The following CCDC9 variants were observed in gnomAD, a reference collection of about 807,000 sequenced individuals.
CCDC9 encodes coiled-coil domain-containing protein 9.
CCDC9 carries 52 observed loss-of-function variants against 65.6 expected under a neutral mutation model. The ratio of observed to expected loss-of-function variants is 0.79; its 90% CI spans 0.63 to 1.00. The LOEUF is 1.00. Ranked by LOEUF, CCDC9 falls within the 50% of genes least tolerant of loss-of-function variation. CCDC9 has a pLI of 0.00. For synonymous variants in CCDC9, 332 were observed against 280.3 expected (o/e 1.18, Z -1.84); for missense variants, 834 against 757.2 (o/e 1.10, Z -1.19).
downstream of CCDC9, chr19:47,275,335 G>A (rs1418041671): frequency 6.5e-7 from 1 of 1,544,730 alleles, no homozygotes; most frequent in African/African-American, 1.4e-5. Context: ...GCGGAGGGGC[G>A]AAGACCCGGG....
rs752506366 is a variant in CCDC9, at chr19:47,258,411, T to G, written c.3+8T>G. On this transcript the variant is annotated splice_region_variant and intron_variant, in intron 2 of 11. Coordinates refer to ENST00000221922, the MANE Select transcript of CCDC9 (RefSeq NM_015603.3). ...CACGCAGCCAGCGAAATGGTGAGGC[T>G]GAAAAATGGGGTCTCTAGAATCTGA... 1.2e-6 allele frequency: 2 copies of G among 1,613,926 alleles called. No homozygotes were observed. Among genetic ancestry groups the G allele is most frequent in the South Asian group, 1.1e-5 (1 of 91,074 alleles).
rs747423442 is a variant in CCDC9, at chr19:47,270,382, C to T, written c.903-25C>T. ...TTGTTACCCTGTTCCCCCAGCTGCC[C>T]GCTCACCCGTTATCTTTCCCCCAGG... On this transcript the variant is annotated intron_variant, in intron 8 of 11. Transcript: ENST00000221922. 26 of 1,613,132 alleles carry T rather than the reference C, an allele frequency of 1.6e-5. No homozygotes were observed. The Middle Eastern group carries it at 6.6e-4, about 41-fold the overall frequency.
chr19:47,273,879 C>T, downstream of CCDC9: 3 of 725,168 alleles, frequency 4.1e-6, no homozygotes, highest in Non-Finnish European at 5.1e-6. Context: ...GGTCGCTGTG[C>T]TTGGCGGGCT....
At chr19:47,274,301 A>G (rs1379246804), downstream of CCDC9, among the ~76,000 whole-genome samples, 1 of 103,396 alleles carries the variant, frequency 9.7e-6, no homozygotes, top group Admixed American at 1.1e-4. Flanking sequence ...TGACAGGCGG[A>G]GTTAGAGCGG....
chr19:47,274,955 G>A (rs1289386479), downstream of CCDC9: 3 of 1,377,570 alleles, frequency 2.2e-6, no homozygotes, highest in Admixed American at 3.7e-5. Flanking sequence ...GCGGCGCCGA[G>A]AGCCCCGGAG....
At chr19:47,275,623 A>G (rs550060522), downstream of CCDC9, 3 of 477,058 alleles carry the variant, frequency 6.3e-6, no homozygotes, top group East Asian at 7.6e-5. Context: ...CTGAGCACAG[A>G]GCCCACAGCC....
At chr19:47,263,206 G>A (rs919925019) in intron 5 of CCDC9, among the ~76,000 whole-genome samples, 11 of 152,246 alleles carry the variant, frequency 7.2e-5, no homozygotes, top group African/African-American at 2.2e-4. Context: ...AGTAATTACT[G>A]TTATTACCAC....
rs769945524 is a variant in CCDC9, at chr19:47,271,527, C to A, written c.1445C>A (p.Ala482Asp). 1 of 1,612,850 alleles carries A rather than the reference C, an allele frequency of 6.2e-7. No homozygotes were observed. Among genetic ancestry groups the A allele is most frequent in the African/African-American group, 1.3e-5 (1 of 74,868 alleles). The part of the protein sequence containing the change: ...SPEEPLLEPQ[A>D]PGTPSSPFSP... ...GAGGAGCCCCTGCTGGAGCCCCAGG[C>A]CCCTGGCACGCCTTCCAGCCCTTTC... The change falls in exon 12 of 12, where the codon GCC (alanine) becomes GAC (aspartate). Residue 482 changes from alanine to aspartate, a missense_variant. By Grantham distance (126) the Ala-to-Asp change is moderately radical. Transcript: ENST00000221922.
rs143218686 is a variant in CCDC9, at chr19:47,260,760, G to A, written c.383G>A (p.Arg128His). Residue 128 changes from arginine (R) to histidine (H), a missense_variant, in exon 5 of 12, where the codon CGT (arginine) becomes CAT (histidine). Physicochemically the swap from Arg to His is conservative, Grantham distance 29. Transcript: ENST00000221922. ...CCTCGAGGAGGAGGAGCTGGGGGCC[G>A]TGGCCGGAGGGGCCGGGGCCGAGGT... ...EQPRGGGAGG[R>H]GRRGRGRGSP... 25,971 of 1,609,176 alleles carry A rather than the reference G, an allele frequency of 0.016. 256 individuals carry two copies. The highest frequency in any genetic ancestry group is 0.045 in the Middle Eastern group (269 of 6,016).
chr19:47,274,859 C>T, downstream of CCDC9: 4 of 906,080 alleles, frequency 4.4e-6, no homozygotes, highest in East Asian at 1.5e-4. Context: ...GGGGTGGGGG[C>T]GGGGCCTGGT....
chr19:47,264,666 G>C lies in CCDC9; in HGVS notation c.526G>C (p.Glu176Gln). ...KMNEEMEKIA[E>Q]YERNQREGVL... ...GAATGAGGAGATGGAGAAGATCGCC[G>C]AGTATGAGCGCAACCAGCGGGTCAG... The change falls in exon 6 of 12, where the codon GAG becomes CAG. Residue 176 changes from glutamate (E) to glutamine (Q), a missense_variant. Transcript: ENST00000221922. 1 of 1,604,872 alleles carries C rather than the reference G, an allele frequency of 6.2e-7. No homozygotes were observed. Among genetic ancestry groups the C allele is most frequent in the Non-Finnish European group, 8.5e-7 (1 of 1,175,874 alleles).
chr19:47,260,935 C>T, intron 5 of CCDC9, 96 bp downstream of exon 5: 3 of 1,385,222 alleles, frequency 2.2e-6, no homozygotes, highest in Non-Finnish European at 9.8e-7. Context: ...CCTGTGTGTC[C>T]ATCTTTCAGT....
chr19:47,270,294 C>G, intron 8 of CCDC9, 113 bp from the exon 9 acceptor site: 1 of 1,004,684 alleles, frequency 1.0e-6, no homozygotes, highest in Non-Finnish European at 1.5e-6. Context: ...TGTCCCCTGT[C>G]TGGTTGACCG....
chr19:47,270,678 A>G lies in CCDC9; in HGVS notation c.1075A>G (p.Arg359Gly), dbSNP rs764267487. ...TCGGCCCCAGGCCAAGGCAGCGCCC[A>G]GGGCCTACAGGTGGGGCACCCCTTC... ...SSRPQAKAAP[R>G]AYSDHDDRWE... Residue 359 changes from arginine (R) to glycine (G), a missense_variant, in exon 10 of 12, where the codon AGG becomes GGG. Transcript: ENST00000221922. 26 of 1,610,894 alleles carry G rather than the reference A, an allele frequency of 1.6e-5. No homozygotes were observed. Among genetic ancestry groups the G allele is most frequent in the Non-Finnish European group, 2.2e-5 (26 of 1,179,706 alleles).
downstream of CCDC9, among the ~76,000 whole-genome samples, chr19:47,274,269 T>C (rs1369428714): frequency 7.1e-6 from 1 of 141,262 alleles, no homozygotes; most frequent in Non-Finnish European, 1.5e-5. Flanking sequence ...GGAGCTAGGC[T>C]GCCTGGGCGG....
At chr19:47,274,087 C>G, downstream of CCDC9, 1 of 590,904 alleles carries the variant, frequency 1.7e-6, no homozygotes. Context: ...ACCCCAGAGC[C>G]TAGTCTGGAC....
At chr19:47,275,220 G>A (rs531690454), downstream of CCDC9, 228 of 1,528,602 alleles carry the variant, frequency 1.5e-4, no homozygotes, top group African/African-American at 3.1e-3. Context: ...GGGAGTCCCC[G>A]GCGGGCCGCG....
downstream of CCDC9, chr19:47,275,291 G>T (rs904289124): frequency 7.8e-6 from 12 of 1,545,700 alleles, no homozygotes; most frequent in Non-Finnish European, 1.0e-5. Context: ...ACCGCCGTCC[G>T]AGCCGCCAGA....
In CCDC9 at chr19:47,260,707, C is replaced by T. The variant is rs1600277944; in HGVS notation, c.330C>T (p.Arg110=). ...GGRAGMGRAS[R]SWEGSPGEQP... ...GGGCCGGCATGGGCCGAGCATCGCG[C>T]AGCTGGGAGGGCAGCCCCGGGGAGC... Residue 110 remains arginine (R), a synonymous_variant, in exon 5 of 12, where the codon CGC becomes CGT. Coordinates refer to ENST00000221922, the MANE Select transcript of CCDC9 (RefSeq NM_015603.3). 1.9e-6 allele frequency: 3 copies of T among 1,576,820 alleles called. No homozygotes were observed. The highest frequency in any genetic ancestry group is 2.7e-5 in the African/African-American group (2 of 73,580).
Sources: gnomAD v4.1 joint callset for allele counts (sites outside exome capture counted in the v4.1 genomes callset) on GRCh38, gnomAD v4.1.1 for gene constraint, MANE v1.5 for transcripts, NCBI Gene and HGNC (gene_info 2026-07-23, HGNC 2026-07-21) for gene names.